LRBA: variants seen among roughly 807,000 people sequenced by gnomAD.
LRBA encodes lipopolysaccharide-responsive and beige-like anchor protein.
In LRBA, 176 loss-of-function variants were observed where a neutral mutation model predicts 330.0. That is an observed-to-expected ratio of 0.53 (90% CI 0.47 to 0.60). The LOEUF is 0.60. LRBA is among the 20% of genes least tolerant of loss of function. The pLI, the probability that LRBA is intolerant of heterozygous loss-of-function variation, is 0.00. For missense variants in LRBA, 3,259 were observed against 3,444.8 expected, an observed-to-expected ratio of 0.95 and a Z score of 1.35; for synonymous variants, 1,230 against 1,193.0, an observed-to-expected ratio of 1.03 and a Z score of -0.64.
At chr4:150,765,244 C>T (rs895423762) in intron 34 of LRBA, among the ~76,000 whole-genome samples, 6 of 151,988 alleles carry the variant, frequency 3.9e-5, no homozygotes, top group South Asian at 2.1e-4. Context: ...TAAAAAGATC[C>T]GTGTTTATAG....
At chr4:150,845,308 T>C (rs1560904610) in intron 26 of LRBA, among the ~76,000 whole-genome samples, 1 of 152,182 alleles carries the variant, frequency 6.6e-6, no homozygotes, top group African/African-American at 2.4e-5. Flanking sequence ...ATAGAGGATA[T>C]AGCTTTTGAA....
intron 37 of LRBA, among the ~76,000 whole-genome samples, chr4:150,635,079 G>A (rs953998580): frequency 6.6e-6 from 1 of 152,152 alleles, no homozygotes; most frequent in Admixed American, 6.5e-5. Context: ...AAATCTTAGA[G>A]GCATTTCCAG....
At chr4:150,959,548 AG>A (rs1737909243) in intron 2 of LRBA, among the ~76,000 whole-genome samples, 1 of 149,350 alleles carries the variant, frequency 6.7e-6, no homozygotes, top group African/African-American at 2.6e-5. Flanking sequence ...CAAAAATAAA[AG>A]TTTGAGGTTC....
At chr4:150,666,460 T>C (rs1239917153) in intron 37 of LRBA, among the ~76,000 whole-genome samples, 2 of 151,746 alleles carry the variant, frequency 1.3e-5, no homozygotes, top group African/African-American at 4.8e-5. Context: ...TGCAGTGAGT[T>C]GAGATTGTGC....
At chr4:150,443,840 G>T (rs1752174055) in intron 44 of LRBA, among the ~76,000 whole-genome samples, 1 of 52,534 alleles carries the variant, frequency 1.9e-5, no homozygotes, top group Non-Finnish European at 4.4e-5. Context: ...AGAACTTAAA[G>T]TATAATTAAA....
At chr4:150,618,540 A>C (rs1021624967) in intron 37 of LRBA, among the ~76,000 whole-genome samples, 3 of 152,168 alleles carry the variant, frequency 2.0e-5, no homozygotes, top group Non-Finnish European at 2.9e-5. Context: ...GAAACCTGGA[A>C]TAGTTTTTTA....
intron 47 of LRBA, among the ~76,000 whole-genome samples, chr4:150,409,739 C>T (rs1056402311): frequency 6.6e-6 from 1 of 152,132 alleles, no homozygotes; most frequent in Non-Finnish European, 1.5e-5. Flanking sequence ...AATTAACAAT[C>T]TATCAATATG....
At chr4:150,493,807 A>G (rs981405878) in intron 40 of LRBA, among the ~76,000 whole-genome samples, 2 of 152,230 alleles carry the variant, frequency 1.3e-5, no homozygotes, top group African/African-American at 4.8e-5. Flanking sequence ...CAATGTATCC[A>G]TAAGAAAAAC....
intron 31 of LRBA, among the ~76,000 whole-genome samples, chr4:150,812,082 A>G (rs1743822859): frequency 6.6e-6 from 1 of 152,230 alleles, no homozygotes; most frequent in African/African-American, 2.4e-5. Flanking sequence ...TAAATACACC[A>G]GTAATTTCAC....
intron 2 of LRBA, among the ~76,000 whole-genome samples, chr4:150,981,002 A>G (rs1740768748): frequency 6.6e-6 from 1 of 152,210 alleles, no homozygotes; most frequent in African/African-American, 2.4e-5. Flanking sequence ...AAGATATTCC[A>G]TGTTCACGGA....
chr4:151,012,436 A>G (rs1294211424), intron 2 of LRBA, among the ~76,000 whole-genome samples: 1 of 152,196 alleles, frequency 6.6e-6, no homozygotes, highest in Non-Finnish European at 1.5e-5. Context: ...TACTACCACA[A>G]ATTTCTGTTT....
chr4:150,603,653 A>T (rs1774339939), intron 37 of LRBA, among the ~76,000 whole-genome samples: 1 of 152,048 alleles, frequency 6.6e-6, no homozygotes, highest in Non-Finnish European at 1.5e-5. Flanking sequence ...TACAAAAATT[A>T]GTAATCTGGC....
chr4:151,009,028 A>T (rs4696643), intron 2 of LRBA, among the ~76,000 whole-genome samples: 3,377 of 11,780 alleles, frequency 0.29, 771 homozygotes, highest in East Asian at 0.51. Flanking sequence ...TATATATATA[A>T]AATGGTATTT....
chr4:150,639,859 A>G (rs1432801757), intron 37 of LRBA, among the ~76,000 whole-genome samples: 53 of 79,172 alleles, frequency 6.7e-4, no homozygotes, highest in African/African-American at 1.0e-3. Flanking sequence ...ATATATATAT[A>G]TATATATATA....
intron 36 of LRBA, among the ~76,000 whole-genome samples, chr4:150,712,782 A>G (rs1196549870): frequency 6.6e-6 from 1 of 152,222 alleles, no homozygotes; most frequent in Non-Finnish European, 1.5e-5. Flanking sequence ...CTACCAAGCT[A>G]CAAAACGGCA....
intron 2 of LRBA, among the ~76,000 whole-genome samples, chr4:150,966,185 TAGAAA>T (rs2149576649): frequency 6.6e-6 from 1 of 152,276 alleles, no homozygotes; most frequent in East Asian, 1.9e-4. Context: ...TGGAAGATGG[TAGAAA>T]AGAAGTGAAT....
At chr4:150,582,968 G>A (rs1771589253) in intron 40 of LRBA, 2 of 1,518,324 alleles carry the variant, frequency 1.3e-6, no homozygotes. Context: ...ACCAGTGCGT[G>A]AGCCTTGGAT....
intron 2 of LRBA, among the ~76,000 whole-genome samples, chr4:150,958,099 A>G (rs1737733593): frequency 1.3e-5 from 2 of 149,048 alleles, no homozygotes; most frequent in South Asian, 2.1e-4. Context: ...GCCCCAGTGG[A>G]AACTCTGTGG....
chr4:150,924,795 T>C (rs969849812), intron 4 of LRBA, among the ~76,000 whole-genome samples: 2 of 152,184 alleles, frequency 1.3e-5, no homozygotes, highest in African/African-American at 2.4e-5. Flanking sequence ...ATTTTTTCCC[T>C]TTATCATCTA....
Sources: allele counts gnomAD v4.1 joint callset (sites outside exome capture counted in the v4.1 genomes callset), GRCh38; gene constraint gnomAD v4.1.1; transcripts MANE v1.5; gene names NCBI Gene and HGNC (gene_info 2026-07-23, HGNC 2026-07-21).